The following NFIB variants were observed in gnomAD, a reference collection of about 807,000 sequenced individuals.
NFIB encodes the protein nuclear factor I B, also known as nuclear factor 1 B-type.
In NFIB, 11 loss-of-function variants were observed where a neutral mutation model predicts 61.5. The ratio of observed to expected loss-of-function variants is 0.18; its 90% CI spans 0.11 to 0.30. The LOEUF is 0.30. Ranked by LOEUF, NFIB falls within the 10% of genes least tolerant of loss-of-function variation. NFIB has a pLI of 1.00. For missense variants in NFIB, 471 were observed against 608.9 expected, an observed-to-expected ratio of 0.77 and a Z score of 2.38; for synonymous variants, 260 against 216.5, an observed-to-expected ratio of 1.20 and a Z score of -1.76.
intron 1 of NFIB, among the ~76,000 whole-genome samples, chr9:14,381,436 T>A (rs1178069843): frequency 1.3e-5 from 2 of 152,096 alleles, no homozygotes; most frequent in Non-Finnish European, 2.9e-5. Flanking sequence ...AGTGATCTGG[T>A]TGTCTCAGCC....
intron 1 of NFIB, among the ~76,000 whole-genome samples, chr9:14,342,467 G>A (rs1179463963): frequency 2.6e-5 from 4 of 152,006 alleles, no homozygotes; most frequent in African/African-American, 9.7e-5. Flanking sequence ...AGGGAGGAGG[G>A]AAGGGAAGGA....
At chr9:14,428,667 A>T in the NFIB span, among the ~76,000 whole-genome samples, 1 of 152,150 alleles carries the variant, frequency 6.6e-6, no homozygotes, top group Non-Finnish European at 1.5e-5. Context: ...TTTGAAATGG[A>T]ATTTTCTGCC....
upstream of NFIB, among the ~76,000 whole-genome samples, chr9:14,403,052 C>T (rs1295173544): frequency 6.6e-6 from 1 of 152,302 alleles, no homozygotes; most frequent in Admixed American, 6.5e-5. Flanking sequence ...GTCCTATTTA[C>T]AATCATTTTG....
At position 14,201,360 on chromosome 9, in the gene NFIB, C is replaced by G. The variant is rs74997122; in HGVS notation, c.563-21580G>C. Among the ~76,000 whole-genome samples, 208 of 152,346 alleles carry G rather than the reference C, an allele frequency of 1.4e-3. 6 individuals are homozygous for G. The East Asian group carries it at 0.033, about 24-fold the overall frequency. On this transcript the variant is annotated intron_variant, in intron 2 of 10. Transcript: ENST00000380953. ...GAAACCATCACCCTTTACCCTCCCCCTCACACCCACACCCAACTTCCTAAT... is the reference window on the plus strand; with the variant it reads ...GAAACCATCACCCTTTACCCTCCCCGTCACACCCACACCCAACTTCCTAAT...
At chr9:14,457,697 C>T in the NFIB span, among the ~76,000 whole-genome samples, 1 of 151,964 alleles carries the variant, frequency 6.6e-6, no homozygotes, top group Non-Finnish European at 1.5e-5. Context: ...CACCACCGAT[C>T]CCACAGAAAT....
chr9:14,389,206 A>G (rs1019187728), intron 1 of NFIB, among the ~76,000 whole-genome samples: 5 of 152,152 alleles, frequency 3.3e-5, no homozygotes, highest in African/African-American at 1.2e-4. Context: ...TTCACTGAGA[A>G]CTTTCCTTCT....
the NFIB span, among the ~76,000 whole-genome samples, chr9:14,412,338 C>G: frequency 0.01 from 1,589 of 152,244 alleles, 11 homozygotes; most frequent in Middle Eastern, 0.037. Context: ...TGTTGTATCC[C>G]TAATACCTAG....
At chr9:14,330,466 T>C (rs1399800973) in intron 1 of NFIB, among the ~76,000 whole-genome samples, 1 of 152,138 alleles carries the variant, frequency 6.6e-6, no homozygotes, top group Non-Finnish European at 1.5e-5. Context: ...TTGAAAAACG[T>C]TTTTTAAATA....
the NFIB span, among the ~76,000 whole-genome samples, chr9:14,420,267 C>T: frequency 3.3e-5 from 5 of 151,512 alleles, no homozygotes; most frequent in South Asian, 2.1e-4. Context: ...GCCAATATGG[C>T]GAAACCTCAT....
the NFIB span, among the ~76,000 whole-genome samples, chr9:14,474,323 A>G: frequency 6.6e-6 from 1 of 152,096 alleles, no homozygotes; most frequent in East Asian, 1.9e-4. Flanking sequence ...GAGTCAAGGA[A>G]GTTCTCTGGG....
intron 2 of NFIB, among the ~76,000 whole-genome samples, chr9:14,240,076 A>G (rs1304754981): frequency 6.6e-6 from 1 of 152,166 alleles, no homozygotes; most frequent in Non-Finnish European, 1.5e-5. Context: ...TATATTGCCA[A>G]TTTCTCAAAT....
intron 5 of NFIB, among the ~76,000 whole-genome samples, chr9:14,147,636 C>CT (rs34256054): frequency 0.89 from 97,127 of 108,626 alleles, 44,646 homozygotes; most frequent in Non-Finnish European, 0.95. Flanking sequence ...TAAAATGATA[C>CT]TTTTTTTTTT....
At chr9:14,224,937 A>G (rs996123571) in intron 2 of NFIB, among the ~76,000 whole-genome samples, 5 of 152,208 alleles carry the variant, frequency 3.3e-5, no homozygotes, top group African/African-American at 4.8e-5. Flanking sequence ...AGGAGAGCAC[A>G]TGACATTTAC....
chr9:14,175,786 T>G (rs955287824), intron 3 of NFIB, among the ~76,000 whole-genome samples: 6 of 152,210 alleles, frequency 3.9e-5, no homozygotes, highest in African/African-American at 7.2e-5. Flanking sequence ...CCCAAAAGTT[T>G]ATATCATAAA....
the NFIB span, among the ~76,000 whole-genome samples, chr9:14,477,876 A>G: frequency 6.6e-6 from 1 of 152,178 alleles, no homozygotes; most frequent in African/African-American, 2.4e-5. Context: ...TTGGCAAAAA[A>G]TAGTTCTTCT....
At chr9:14,114,355 C>A (rs905085108) in intron 9 of NFIB, among the ~76,000 whole-genome samples, 1 of 152,160 alleles carries the variant, frequency 6.6e-6, no homozygotes, top group African/African-American at 2.4e-5. Flanking sequence ...TACAGAAGAG[C>A]ACCAAATCTA....
chr9:14,350,637 T>G (rs1332571506), intron 1 of NFIB, among the ~76,000 whole-genome samples: 3 of 152,142 alleles, frequency 2.0e-5, no homozygotes, highest in African/African-American at 7.2e-5. Context: ...TAGGGGGAGA[T>G]GTATAATATC....
chr9:14,333,134 C>T (rs1253151227), intron 1 of NFIB, among the ~76,000 whole-genome samples: 1 of 152,148 alleles, frequency 6.6e-6, no homozygotes, highest in East Asian at 1.9e-4. Flanking sequence ...AGCCTGAATG[C>T]TTTGAGAGAT....
At chr9:14,492,312 G>A in the NFIB span, among the ~76,000 whole-genome samples, 8 of 151,978 alleles carry the variant, frequency 5.3e-5, no homozygotes, top group African/African-American at 7.2e-5. Context: ...GCAGTGAGCC[G>A]AGATCACGCC....
Sources: allele counts gnomAD v4.1 joint callset (sites outside exome capture counted in the v4.1 genomes callset), GRCh38; gene constraint gnomAD v4.1.1; transcripts MANE v1.5; gene names NCBI Gene and HGNC (gene_info 2026-07-23, HGNC 2026-07-21).